CPSF6: variants seen among roughly 807,000 people sequenced by gnomAD.
CPSF6 encodes cleavage and polyadenylation specific factor 6.
In CPSF6, 10 loss-of-function variants were observed where a neutral mutation model predicts 56.7. The ratio of observed to expected loss-of-function variants is 0.18; its 90% CI spans 0.11 to 0.30. The LOEUF (loss-of-function observed/expected upper bound fraction) is 0.30. Ranked by LOEUF, CPSF6 falls within the 10% of genes least tolerant of loss-of-function variation. The pLI is 1.00. For synonymous variants in CPSF6, 248 were observed against 244.8 expected (o/e 1.01, Z -0.12); for missense variants, 419 against 722.9 (o/e 0.58, Z 4.82).
In CPSF6 at chr12:69,270,540, G is replaced by A. The variant is rs1873194216; in HGVS notation, c.*1032G>A. 1 of 151,720 alleles carries A rather than the reference G, an allele frequency of 6.6e-6. No individual in the cohort carries two copies. The highest frequency in any genetic ancestry group is 2.4e-5 in the African/African-American group (1 of 41,392). The allele number at this position is 151,720 out of a possible 1,614,324, so 9.4% of individuals were successfully genotyped here. On this transcript the variant is annotated 3_prime_UTR_variant, in exon 10 of 10. Transcript: ENST00000435070. ...CAGCAGGTAAATGTGAGTAAAGAGAGCCTTATATTTTCCAATTGGTATAAA... is the reference window on the plus strand; with the variant it reads ...CAGCAGGTAAATGTGAGTAAAGAGAACCTTATATTTTCCAATTGGTATAAA...
At chr12:69,243,490 T>C (rs1871730246) in intron 1 of CPSF6, among the ~76,000 whole-genome samples, 1 of 152,252 alleles carries the variant, frequency 6.6e-6, no homozygotes, top group East Asian at 1.9e-4. Flanking sequence ...ACATGTAGGC[T>C]ATATGGTGTA....
At position 69,253,091 on chromosome 12, in the gene CPSF6, T is replaced by C. The variant is rs761711175; in HGVS notation, c.311T>C (p.Leu104Ser). The C allele has an allele frequency of 1.9e-6, 3 of 1,592,444 alleles. No individual in the cohort carries two copies. The highest frequency in any genetic ancestry group is 2.3e-5 in the South Asian group (2 of 86,812). ...DEDLTEAVHS[L>S]GVNDILEIKF... ...GACTTAACTGAAGCAGTTCATTCTT[T>C]GGGAGTAAATGATATTTTGGAGATA... Residue 104 changes from leucine to serine, a missense_variant, in exon 3 of 10, where the codon TTG becomes TCG. By Grantham distance (145) the Leu-to-Ser change is moderately radical. Around this residue, in one of 4 missense-constraint regions of CPSF6, gnomAD observed 125 missense variants for 216.4 expected, o/e 0.58. Coordinates refer to ENST00000435070, the MANE Select transcript of CPSF6 (RefSeq NM_007007.3).
chr12:69,243,886 T>C (rs566356810), intron 1 of CPSF6, among the ~76,000 whole-genome samples: 7 of 152,324 alleles, frequency 4.6e-5, no homozygotes, highest in African/African-American at 1.2e-4. Context: ...CAGTCTGGAG[T>C]GCGGTGGTGC....
chr12:69,268,764 A>AT (rs899867323), intron 9 of CPSF6, among the ~76,000 whole-genome samples: 14 of 150,700 alleles, frequency 9.3e-5, no homozygotes, highest in Non-Finnish European at 1.6e-4. Context: ...ACTTTATTCT[A>AT]TTTTTTTTCT....
In CPSF6 at chr12:69,256,738, A is replaced by T; in HGVS notation, c.416A>T (p.Lys139Met). ...GTTGGATCTGAAGCATCTTCAAAAA[A>T]GTTAATGGATCTGTTACCTAAAAGA... is the stretch of plus-strand genomic sequence containing the variant. ...VGVGSEASSKKLMDLLPKREL... is the reference protein window; with the variant it reads ...VGVGSEASSKMLMDLLPKREL... Residue 139 changes from lysine to methionine, a missense_variant, in exon 4 of 10, where the codon AAG becomes ATG. By Grantham distance (95) the Lys-to-Met change is moderately conservative (BLOSUM62 -1). Transcript: ENST00000435070. 6.2e-7 allele frequency: 1 copy of T among 1,613,958 alleles called. No homozygotes were observed. Among genetic ancestry groups the T allele is most frequent in the Non-Finnish European group, 8.5e-7 (1 of 1,179,950 alleles).
intron 1 of CPSF6, 149 bp downstream of exon 1, chr12:69,239,855 G>A (rs1871507064): frequency 4.8e-6 from 3 of 628,366 alleles, no homozygotes; most frequent in Non-Finnish European, 6.7e-6. Flanking sequence ...CTGGCGTGGC[G>A]CCCCCCCGCC....
At chr12:69,256,581 ACTGTGCCCAG>A in intron 3 of CPSF6, 106 bp from the exon 4 acceptor site, 2 of 1,024,430 alleles carry the variant, frequency 2.0e-6, no homozygotes, top group Admixed American at 2.6e-5. Flanking sequence ...GGCATGAGCC[ACTGTGCCCAG>A]CTGTTGTTTT....
chr12:69,273,202 T>C lies in CPSF6; in HGVS notation c.*3694T>C, dbSNP rs1175621053. On this transcript the variant is annotated 3_prime_UTR_variant, in exon 10 of 10. Coordinates refer to ENST00000435070, the MANE Select transcript of CPSF6 (RefSeq NM_007007.3). The stretch of plus-strand genomic sequence containing the variant: ...TTCTTGGCATTAGAAAGAAGCAATA[T>C]GAATTTTTGTGAATATTCTAAATAT... 1 of 516,624 alleles carries C rather than the reference T, an allele frequency of 1.9e-6. No homozygotes were observed. Among genetic ancestry groups the C allele is most frequent in the Admixed American group, 2.1e-5 (1 of 48,242 alleles). 32.0% of individuals were successfully genotyped at this position (516,624 alleles called of 1,614,324 possible).
intron 3 of CPSF6, among the ~76,000 whole-genome samples, chr12:69,254,810 C>T (rs1278741999): frequency 4.6e-5 from 7 of 152,118 alleles, no homozygotes; most frequent in Non-Finnish European, 1.0e-4. Context: ...GCTACTAAGA[C>T]CCTCCCTCCC....
In CPSF6 at chr12:69,258,556, G is replaced by GTTTGT. The variant is rs1555168500; in HGVS notation, c.695-31_695-30insGTTTT. The GTTTGT allele has an allele frequency of 3.4e-6, 5 of 1,461,078 alleles. No homozygotes were observed. In the African/African-American group the frequency reaches 7.3e-5, roughly 21 times the overall value. The allele number at this position is 1,461,078 out of a possible 1,614,324, so 90.5% of individuals were successfully genotyped here. A position where few individuals can be genotyped will look rare whatever the true frequency, so the allele number is the denominator to read the frequency against. ...AGTTAAAATATCTTATTAGTGAAGT[G>GTTTGT]TTTTTTTTTCTCTCTTTCTCCTTTG... On this transcript the variant is annotated intron_variant, in intron 5 of 9. Coordinates refer to ENST00000435070, the MANE Select transcript of CPSF6 (RefSeq NM_007007.3). The surrounding 1 kb of genome is among the most constrained non-coding windows in gnomAD (Gnocchi z 4.2).
At chr12:69,244,669 T>C (rs1871797629) in intron 1 of CPSF6, among the ~76,000 whole-genome samples, 1 of 151,788 alleles carries the variant, frequency 6.6e-6, no homozygotes, top group Admixed American at 6.6e-5. Context: ...AGGCTGGAAT[T>C]ACAGGCATGA....
intron 9 of CPSF6, among the ~76,000 whole-genome samples, chr12:69,267,457 A>T (rs747543494): frequency 3.9e-5 from 6 of 152,108 alleles, no homozygotes; most frequent in Middle Eastern, 6.8e-3. Context: ...TTTATAATTA[A>T]TAGCTAAAGC....
rs1193847105 is a variant in CPSF6 at position 69,258,035 on chromosome 12, G to A, written c.694+130G>A. On this transcript the variant is annotated intron_variant, in intron 5 of 9. Coordinates refer to ENST00000435070, the MANE Select transcript of CPSF6 (RefSeq NM_007007.3). The surrounding 1 kb of genome is among the most constrained non-coding windows in gnomAD (Gnocchi z 4.2). ...TTGTTATGCTATTTTTGGAATCCAG[G>A]AAATTTGATCAAGCATCTTGTTAAA... The A allele has an allele frequency of 1.9e-6, 3 of 1,541,226 alleles. No individual in the cohort carries two copies. Among genetic ancestry groups the A allele is most frequent in the Non-Finnish European group, 2.6e-6 (3 of 1,145,270 alleles).
At chr12:69,267,220 G>A (rs1873033397) in intron 9 of CPSF6, among the ~76,000 whole-genome samples, 1 of 151,920 alleles carries the variant, frequency 6.6e-6, no homozygotes, top group Admixed American at 6.6e-5. Flanking sequence ...AATTTACCAT[G>A]AATTTAAAAT....
intron 4 of CPSF6, among the ~76,000 whole-genome samples, chr12:69,257,478 C>T (rs1015320027): frequency 1.3e-5 from 2 of 150,364 alleles, no homozygotes; most frequent in African/African-American, 4.8e-5. Context: ...TTGGCTGCTG[C>T]AGAGTGCTGG....
intron 7 of CPSF6, 145 bp downstream of exon 7, chr12:69,259,688 C>A: frequency 1.2e-6 from 1 of 821,426 alleles, no homozygotes; most frequent in Non-Finnish European, 1.8e-6. Flanking sequence ...ATTTAAAAAG[C>A]ATTGAAAAAA....
intron 1 of CPSF6, among the ~76,000 whole-genome samples, chr12:69,243,393 G>A (rs1468246538): frequency 6.6e-6 from 1 of 152,190 alleles, no homozygotes. Flanking sequence ...ATGGCGGTAT[G>A]TTCTGAGAAG....
At chr12:69,242,093 T>C (rs572564733) in intron 1 of CPSF6, among the ~76,000 whole-genome samples, 62 of 152,352 alleles carry the variant, frequency 4.1e-4, no homozygotes, top group African/African-American at 1.4e-3. Context: ...GGCGACCTTA[T>C]TTCTACTAGT....
At chr12:69,250,603 A>G (rs867175040) in intron 1 of CPSF6, among the ~76,000 whole-genome samples, 2,603 of 108,374 alleles carry the variant, frequency 0.024, 103 homozygotes, top group African/African-American at 0.088. Flanking sequence ...AAAAAAAAAA[A>G]AAAAGAAAAA....
Sources: allele counts gnomAD v4.1 joint callset (sites outside exome capture counted in the v4.1 genomes callset), GRCh38; gene constraint gnomAD v4.1.1; regional missense constraint gnomAD v4.1.1; non-coding constraint Gnocchi (gnomAD v3.1); transcripts MANE v1.5; gene names NCBI Gene and HGNC (gene_info 2026-07-23, HGNC 2026-07-21).